RTL4: variants seen among roughly 807,000 people sequenced by gnomAD.
The protein encoded by RTL4 is retrotransposon Gag-like protein 4.
In RTL4, 4 loss-of-function variants were observed where a neutral mutation model predicts 5.3. The ratio of observed to expected loss-of-function variants is 0.75; its 90% CI spans 0.37 to 1.72. RTL4 has a LOEUF of 1.72. RTL4 is among the 40% of genes most tolerant of loss of function. The probability of loss-of-function intolerance (pLI) is 0.04; values close to 1 mark genes in which losing one functional copy is unlikely to be tolerated. For synonymous variants in RTL4, 98 were observed against 87.3 expected, an observed-to-expected ratio of 1.12 and a Z score of -0.68; for missense variants, 260 against 227.1, an observed-to-expected ratio of 1.14 and a Z score of -0.93.
At chrX:112,423,109 T>TG in the RTL4 span, among the ~76,000 whole-genome samples, 10 of 100,637 alleles carry the variant, frequency 9.9e-5, no homozygotes, top group Non-Finnish European at 1.9e-4. Flanking sequence ...TTTCATTGTG[T>TG]GTGGGGGGGG....
the RTL4 span, among the ~76,000 whole-genome samples, chrX:112,442,873 A>G: frequency 9.1e-6 from 1 of 110,336 alleles, no homozygotes; most frequent in Non-Finnish European, 1.9e-5. Context: ...AACATGGGGT[A>G]TCCCTCCCCT....
At chrX:112,248,533 T>C in the RTL4 span, among the ~76,000 whole-genome samples, 1 of 112,481 alleles carries the variant, frequency 8.9e-6, no homozygotes, top group Non-Finnish European at 1.9e-5. Flanking sequence ...TTCTGCACCA[T>C]CTGTTAGAAG....
chrX:112,098,759 T>C, the RTL4 span, among the ~76,000 whole-genome samples: 2 of 111,925 alleles, frequency 1.8e-5, no homozygotes, highest in Non-Finnish European at 1.9e-5. Context: ...AAATGTCTTC[T>C]TTTGAGAAAA....
At chrX:112,446,200 T>C in the RTL4 span, among the ~76,000 whole-genome samples, 1 of 112,256 alleles carries the variant, frequency 8.9e-6, no homozygotes, top group Admixed American at 9.4e-5. Context: ...TGGTTGAAAA[T>C]ACCATTATCT....
At chrX:112,325,358 A>AAAG in the RTL4 span, among the ~76,000 whole-genome samples, 15 of 112,043 alleles carry the variant, frequency 1.3e-4, no homozygotes, top group African/African-American at 4.5e-4. Context: ...TCCTAAGCCA[A>AAAG]AAGAACAAAG....
At chrX:112,151,754 G>A in the RTL4 span, among the ~76,000 whole-genome samples, 28 of 111,697 alleles carry the variant, frequency 2.5e-4, no homozygotes, top group East Asian at 6.3e-3. Flanking sequence ...CGTTCATGCT[G>A]CTTTAATCCG....
At chrX:112,322,598 A>T in the RTL4 span, among the ~76,000 whole-genome samples, 1 of 110,769 alleles carries the variant, frequency 9.0e-6, no homozygotes, top group Admixed American at 9.7e-5. Context: ...TGTAAGTGTG[A>T]TCATTACCTG....
chrX:112,152,125 C>T, the RTL4 span, among the ~76,000 whole-genome samples: 4 of 111,462 alleles, frequency 3.6e-5, no homozygotes, highest in Non-Finnish European at 7.5e-5. Flanking sequence ...TACCTTCAGA[C>T]TAGGCCTAGG....
At chrX:112,275,888 T>C in the RTL4 span, among the ~76,000 whole-genome samples, 8 of 111,957 alleles carry the variant, frequency 7.1e-5, no homozygotes, top group Non-Finnish European at 1.5e-4. Flanking sequence ...TGTGCTATGA[T>C]CCCACCACTG....
At chrX:112,093,526 C>A in the RTL4 span, among the ~76,000 whole-genome samples, 2 of 111,539 alleles carry the variant, frequency 1.8e-5, no homozygotes, top group Non-Finnish European at 3.8e-5. Context: ...CTTCCTTCCC[C>A]AAATATTTGT....
the RTL4 span, among the ~76,000 whole-genome samples, chrX:112,087,508 A>C: frequency 9.0e-6 from 1 of 110,816 alleles, no homozygotes; most frequent in Non-Finnish European, 1.9e-5. Flanking sequence ...AGGGCCAAGA[A>C]ATTTCAGCAT....
the RTL4 span, among the ~76,000 whole-genome samples, chrX:112,169,134 C>T: frequency 1.1e-5 from 1 of 93,039 alleles, no homozygotes; most frequent in Non-Finnish European, 2.1e-5. Context: ...TTTTTTTTGA[C>T]AATGTTTCGC....
chrX:112,192,714 T>C, the RTL4 span, among the ~76,000 whole-genome samples: 2 of 111,804 alleles, frequency 1.8e-5, no homozygotes, highest in East Asian at 5.5e-4. Flanking sequence ...TTATATATTG[T>C]ATGGCCATGA....
the RTL4 span, among the ~76,000 whole-genome samples, chrX:112,113,803 C>T: frequency 2.7e-5 from 3 of 111,776 alleles, no homozygotes; most frequent in African/African-American, 6.5e-5. Context: ...GATAACAAGC[C>T]ACACCAGTTG....
chrX:112,409,214 T>C, the RTL4 span, among the ~76,000 whole-genome samples: 1 of 112,222 alleles, frequency 8.9e-6, no homozygotes. Context: ...ACTACAACTT[T>C]TGAAGACATA....
At chrX:112,381,631 C>G in the RTL4 span, 6 of 1,203,465 alleles carry the variant, frequency 5.0e-6, no homozygotes, top group Non-Finnish European at 5.6e-6. Flanking sequence ...TCAGGTGTGC[C>G]GAACAAATTT....
At chrX:112,161,837 CTT>C in the RTL4 span, among the ~76,000 whole-genome samples, 2 of 53,919 alleles carry the variant, frequency 3.7e-5, no homozygotes, top group African/African-American at 1.4e-4. Flanking sequence ...TCCTTCCTTC[CTT>C]CCTTCCTTTC....
chrX:112,265,624 T>C, the RTL4 span, among the ~76,000 whole-genome samples: 4 of 111,693 alleles, frequency 3.6e-5, no homozygotes. Flanking sequence ...CCCTGCCTAA[T>C]AGCAGTCAAG....
the RTL4 span, among the ~76,000 whole-genome samples, chrX:112,419,575 G>GTA: frequency 2.1e-3 from 96 of 46,261 alleles, 4 homozygotes; most frequent in Admixed American, 0.011. Context: ...GGCCAAGGTA[G>GTA]TATATATATA....
Sources: gnomAD v4.1 joint callset for allele counts (sites outside exome capture counted in the v4.1 genomes callset) on GRCh38, gnomAD v4.1.1 for gene constraint, MANE v1.5 for transcripts, NCBI Gene and HGNC (gene_info 2026-07-23, HGNC 2026-07-21) for gene names.